The following MAGI2 variants were observed in gnomAD, a reference collection of about 807,000 sequenced individuals.
MAGI2 encodes the protein membrane associated guanylate kinase, WW and PDZ domain containing 2.
MAGI2 carries 35 observed loss-of-function variants against 133.3 expected under a neutral mutation model. The observed-to-expected ratio is 0.26, with a 90% CI of 0.20 to 0.35. The LOEUF (loss-of-function observed/expected upper bound fraction) is 0.35, where lower values mean the gene tolerates loss of function less well. Among genes scored for constraint, MAGI2 ranks in the 10% least tolerant of loss-of-function variants. MAGI2 has a pLI of 1.00. For missense variants in MAGI2, 1,636 were observed against 1,863.4 expected (o/e 0.88, Z 2.25); for synonymous variants, 729 against 710.6 (o/e 1.03, Z -0.41).
intron 1 of MAGI2, chr7:79,413,949 C>A (rs1846317267): frequency 6.6e-6 from 1 of 152,102 alleles, no homozygotes; most frequent in South Asian, 2.1e-4. Flanking sequence ...GATACAAAGG[C>A]TATAAAATAT....
chr7:78,375,356 G>A (rs940956538), intron 6 of MAGI2, among the ~76,000 whole-genome samples: 2 of 152,166 alleles, frequency 1.3e-5, no homozygotes, highest in East Asian at 3.9e-4. Context: ...CCTTTCTTGG[G>A]AGGCGGTGTC....
intron 2 of MAGI2, among the ~76,000 whole-genome samples, chr7:78,913,194 T>C (rs1479795776): frequency 6.6e-6 from 1 of 152,122 alleles, no homozygotes; most frequent in Non-Finnish European, 1.5e-5. Flanking sequence ...CCAAATCTCA[T>C]GTTGAATTAT....
intron 16 of MAGI2, among the ~76,000 whole-genome samples, chr7:78,144,790 G>A (rs747204936): frequency 2.6e-5 from 4 of 152,082 alleles, no homozygotes; most frequent in Admixed American, 1.3e-4. Flanking sequence ...TGAGATACAC[G>A]TGCAGAACGT....
intron 2 of MAGI2, among the ~76,000 whole-genome samples, chr7:78,760,758 CAT>C (rs1824428897): frequency 6.6e-6 from 1 of 152,162 alleles, no homozygotes; most frequent in African/African-American, 2.4e-5. Flanking sequence ...GTGCAAGAAA[CAT>C]AAGGTATTCA....
intron 1 of MAGI2, among the ~76,000 whole-genome samples, chr7:79,127,828 C>A (rs1187005595): frequency 6.6e-6 from 1 of 152,166 alleles, no homozygotes; most frequent in Non-Finnish European, 1.5e-5. Flanking sequence ...TCAATTTTGG[C>A]TTGTGTTGCC....
chr7:78,469,897 T>C lies in MAGI2; in HGVS notation c.1045+19864A>G, dbSNP rs151284448. 1.0e-3 allele frequency among the ~76,000 whole-genome samples: 156 copies of C among 152,282 alleles called. No individual in the cohort carries two copies. In the East Asian group the frequency reaches 0.023, roughly 23 times the overall value. The stretch of plus-strand genomic sequence containing the variant: ...TTTCTTTATTTTTGCGTGCATGTTT[T>C]TCTTCCATGTCTACCCAGTGCCTAG... On this transcript the variant is annotated intron_variant, in intron 6 of 21. Coordinates refer to ENST00000354212, the MANE Select transcript of MAGI2 (RefSeq NM_012301.4).
At chr7:79,339,879 A>AT (rs1167565993) in intron 1 of MAGI2, among the ~76,000 whole-genome samples, 6 of 151,942 alleles carry the variant, frequency 3.9e-5, no homozygotes, top group African/African-American at 1.2e-4. Context: ...CCAGCCTGAG[A>AT]TTTTTTCCTC....
At chr7:78,127,103 G>T in intron 19 of MAGI2, 94 bp downstream of exon 19, 1 of 1,000,050 alleles carries the variant, frequency 1.0e-6, no homozygotes, top group Non-Finnish European at 1.5e-6. Context: ...CTCCATCCCA[G>T]ACAGGTACTC....
At chr7:79,189,749 C>T (rs1483621324) in intron 1 of MAGI2, among the ~76,000 whole-genome samples, 1 of 151,680 alleles carries the variant, frequency 6.6e-6, no homozygotes, top group Non-Finnish European at 1.5e-5. Context: ...AGTTTCACTG[C>T]CCTAAAAATC....
intron 1 of MAGI2, among the ~76,000 whole-genome samples, chr7:79,418,981 C>T (rs908240506): frequency 6.6e-6 from 1 of 151,888 alleles, no homozygotes; most frequent in African/African-American, 2.4e-5. Context: ...ATTAACAATG[C>T]TACCCCAATG....
At chr7:79,120,503 C>T (rs1166680229) in intron 1 of MAGI2, among the ~76,000 whole-genome samples, 1 of 151,968 alleles carries the variant, frequency 6.6e-6, no homozygotes, top group Non-Finnish European at 1.5e-5. Context: ...TATACACACA[C>T]ATAAACTAGT....
intron 2 of MAGI2, among the ~76,000 whole-genome samples, chr7:78,801,973 A>T (rs1227899604): frequency 1.3e-5 from 2 of 152,198 alleles, no homozygotes; most frequent in East Asian, 3.8e-4. Context: ...AATATCTGCA[A>T]CTAATATAAT....
chr7:78,754,734 T>A (rs1459377350), intron 2 of MAGI2, among the ~76,000 whole-genome samples: 1 of 152,224 alleles, frequency 6.6e-6, no homozygotes, highest in Non-Finnish European at 1.5e-5. Flanking sequence ...TGTGCCTAAG[T>A]ATAAATTCTA....
intron 2 of MAGI2, among the ~76,000 whole-genome samples, chr7:78,923,127 C>A (rs1799394947): frequency 6.6e-6 from 1 of 151,996 alleles, no homozygotes. Flanking sequence ...CAAAAATTTT[C>A]TCTCATTTTG....
chr7:78,194,747 C>T (rs1828563793), intron 12 of MAGI2, 127 bp downstream of exon 12: 1 of 699,458 alleles, frequency 1.4e-6, no homozygotes, highest in Admixed American at 3.7e-5. Context: ...GACCAGCTGG[C>T]TCTGCTCTTG....
intron 20 of MAGI2, among the ~76,000 whole-genome samples, chr7:78,100,297 C>G (rs1009704278): frequency 3.9e-5 from 6 of 152,174 alleles, no homozygotes; most frequent in Non-Finnish European, 8.8e-5. Context: ...CAATCTGAAT[C>G]ATACAACCCT....
At chr7:79,230,886 G>C (rs1401328727) in intron 1 of MAGI2, among the ~76,000 whole-genome samples, 1 of 135,732 alleles carries the variant, frequency 7.4e-6, no homozygotes. Context: ...GTCCTGAATG[G>C]TAATGCCTAG....
intron 21 of MAGI2, among the ~76,000 whole-genome samples, chr7:78,037,281 T>A (rs1023220892): frequency 7.9e-5 from 12 of 152,186 alleles, no homozygotes; most frequent in African/African-American, 2.9e-4. Context: ...TGCAAGCTCC[T>A]GGTTACTGCA....
At position 78,564,783 on chromosome 7, in the gene MAGI2, CTTTTT is replaced by C. The variant is rs35069216; in HGVS notation, c.539-43143_539-43139del. Reference sequence around the variant, plus strand: ...TACTTCATCTCATCTCTTTGACATTCTTTTTTTTTTTTTTTTTTTTTTTTTTTTGA... The same window carrying C: ...TACTTCATCTCATCTCTTTGACATTCTTTTTTTTTTTTTTTTTTTTTTTGA... On this transcript the variant is annotated intron_variant, in intron 3 of 21. Coordinates refer to ENST00000354212, the MANE Select transcript of MAGI2 (RefSeq NM_012301.4). Among the ~76,000 whole-genome samples, 66 of 64,348 alleles carry C rather than the reference CTTTTT, an allele frequency of 1.0e-3. 1 individual carries two copies. Among genetic ancestry groups the C allele is most frequent in the African/African-American group, 3.6e-3 (59 of 16,356 alleles). 42.2% of individuals were successfully genotyped at this position (64,348 alleles called of 152,430 possible). A position where few individuals can be genotyped will look rare whatever the true frequency, so the allele number is the denominator to read the frequency against.
Sources: gnomAD v4.1 joint callset for allele counts (sites outside exome capture counted in the v4.1 genomes callset) on GRCh38, gnomAD v4.1.1 for gene constraint, MANE v1.5 for transcripts, NCBI Gene and HGNC (gene_info 2026-07-23, HGNC 2026-07-21) for gene names.